The following PRKDC variants were observed in gnomAD, a reference collection of about 807,000 sequenced individuals.
The protein encoded by PRKDC is protein kinase, DNA-activated, catalytic subunit.
PRKDC carries 82 observed loss-of-function variants against 486.9 expected under a neutral mutation model. The ratio of observed to expected loss-of-function variants is 0.17; its 90% confidence interval spans 0.14 to 0.20. The LOEUF (loss-of-function observed/expected upper bound fraction) is 0.20. Ranked by LOEUF, PRKDC falls within the 10% of genes least tolerant of loss-of-function variation. The pLI, the probability that PRKDC is intolerant of heterozygous loss-of-function variation, is 1.00. For missense variants in PRKDC, 4,504 were observed against 5,038.2 expected, an observed-to-expected ratio of 0.89 and a Z score of 3.21; for synonymous variants, 1,895 against 1,837.0, an observed-to-expected ratio of 1.03 and a Z score of -0.81.
At chr8:47,823,661 T>C (rs903853765) in intron 64 of PRKDC, among the ~76,000 whole-genome samples, 197 bp downstream of exon 64, 6 of 152,010 alleles carry the variant, frequency 3.9e-5, no homozygotes, top group Non-Finnish European at 7.4e-5. Flanking sequence ...AGAAATAATA[T>C]ACAGTTTCAT....
rs1393248610 is a variant in PRKDC at position 47,800,978 on chromosome 8, T to C, written c.9931A>G (p.Asn3311Asp). The C allele has an allele frequency of 6.2e-7, 1 of 1,613,610 alleles. No homozygotes were observed. Among genetic ancestry groups the C allele is most frequent in the Non-Finnish European group, 8.5e-7 (1 of 1,179,782 alleles). Residue 3311 changes from asparagine (N) to aspartate (D), a missense_variant, in exon 71 of 86, where the codon AAC becomes GAC. Transcript: ENST00000314191. ...LKTVSLLDENNVSSYLSKNIL... is the reference protein window; with the variant it reads ...LKTVSLLDENDVSSYLSKNIL... ...TTTTTGCTTAAGTAGCTTGACACGT[T>C]GTTCTCATCTGTTGGATTAAAAAAA...
chr8:47,955,049 G>A (rs2090679340), intron 4 of PRKDC, among the ~76,000 whole-genome samples: 1 of 152,128 alleles, frequency 6.6e-6, no homozygotes, highest in Non-Finnish European at 1.5e-5. Flanking sequence ...AGCTACTCAG[G>A]AGGCTGAGGC....
rs1307943521 is a variant in PRKDC, at chr8:47,935,543, A to C, written c.1447+189T>G. On this transcript the variant is annotated intron_variant, in intron 13 of 85. Transcript: ENST00000314191. ...AACTATTAAAATTAATAGTTCTATTAATAGAACTATTAAAATTCAGAGGTA... is the reference window on the plus strand; with the variant it reads ...AACTATTAAAATTAATAGTTCTATTCATAGAACTATTAAAATTCAGAGGTA... 2.0e-5 allele frequency among the ~76,000 whole-genome samples: 3 copies of C among 152,092 alleles called. No homozygotes were observed. In the East Asian group the frequency reaches 5.8e-4, roughly 29 times the overall value.
chr8:47,860,317 A>G (rs8178137), intron 45 of PRKDC, among the ~76,000 whole-genome samples: 1,748 of 152,330 alleles, frequency 0.011, 22 homozygotes, highest in African/African-American at 0.031. Context: ...GAGGTATGCT[A>G]ATACCTGGGG....
intron 11 of PRKDC, 101 bp from the exon 12 acceptor site, chr8:47,936,618 C>A: frequency 1.5e-6 from 2 of 1,365,382 alleles, no homozygotes; most frequent in South Asian, 1.4e-5. Flanking sequence ...ACAAGTTTAA[C>A]AAGGCTTCTT....
chr8:47,787,902 A>G (rs1351896574), intron 76 of PRKDC, among the ~76,000 whole-genome samples: 1 of 152,206 alleles, frequency 6.6e-6, no homozygotes, highest in Non-Finnish European at 1.5e-5. Flanking sequence ...GAATATATGT[A>G]AAACTACTGC....
rs761207059 is a variant in PRKDC at position 47,807,302 on chromosome 8, C to T, written c.9582G>A (p.Glu3194=). 4 of 1,571,540 alleles carry T rather than the reference C, an allele frequency of 2.5e-6. No homozygotes were observed. The East Asian group carries it at 9.2e-5, about 36-fold the overall frequency. ...CTTCTGGAAGAGGGGTAAGCTTCTC[C>T]TCTATTTTGCTGAGAAAGAAACATC... ...TNRCFFLSKI[E]EKLTPLPEDN... is the part of the protein sequence containing the mutation. The change falls in exon 69 of 86, where the codon GAG becomes GAA. Residue 3194 remains glutamate, a synonymous_variant. Transcript: ENST00000314191.
chr8:47,934,137 AG>A, intron 14 of PRKDC, 47 bp from the exon 15 acceptor site: 1 of 1,555,242 alleles, frequency 6.4e-7, no homozygotes, highest in South Asian at 1.2e-5. Flanking sequence ...GATTCTCAGA[AG>A]CAGCACTGCT....
chr8:47,944,703 T>C (rs1415127118), intron 7 of PRKDC, among the ~76,000 whole-genome samples: 6 of 152,328 alleles, frequency 3.9e-5, no homozygotes, highest in Middle Eastern at 3.4e-3. Flanking sequence ...ATTGTAGCTA[T>C]AGAGTCATGC....
At chr8:47,879,094 T>C (rs1323259199) in intron 39 of PRKDC, among the ~76,000 whole-genome samples, 1 of 152,266 alleles carries the variant, frequency 6.6e-6, no homozygotes, top group African/African-American at 2.4e-5. Context: ...TCTTAGCTTC[T>C]TTTGGTATTA....
chr8:47,840,445 A>T (rs2088113812), intron 54 of PRKDC, among the ~76,000 whole-genome samples: 1 of 152,234 alleles, frequency 6.6e-6, no homozygotes, highest in African/African-American at 2.4e-5. Flanking sequence ...ATGGAAGTAA[A>T]GTCTAGTTTG....
At chr8:47,874,018 G>A (rs1009783493) in intron 40 of PRKDC, among the ~76,000 whole-genome samples, 2 of 137,818 alleles carry the variant, frequency 1.5e-5, no homozygotes, top group Non-Finnish European at 3.0e-5. Context: ...ACGGAGTCTC[G>A]CTCAGTCACC....
intron 54 of PRKDC, 148 bp downstream of exon 54, chr8:47,849,006 T>A: frequency 1.9e-6 from 2 of 1,052,626 alleles, no homozygotes; most frequent in Non-Finnish European, 2.7e-6. Flanking sequence ...CCTATTCTTA[T>A]GGTGCCTTCA....
chr8:47,809,137 G>C (rs1173111100), intron 68 of PRKDC, among the ~76,000 whole-genome samples: 1 of 148,586 alleles, frequency 6.7e-6, no homozygotes, highest in African/African-American at 2.5e-5. Flanking sequence ...GGGTATGGGA[G>C]GGAGGGGGAG....
chr8:47,851,037 T>G (rs2088391574), intron 52 of PRKDC, among the ~76,000 whole-genome samples: 1 of 152,200 alleles, frequency 6.6e-6, no homozygotes. Flanking sequence ...CTTGAACTCC[T>G]GACCTCAAGT....
intron 10 of PRKDC, 57 bp from the exon 11 acceptor site, chr8:47,939,754 C>A: frequency 7.3e-7 from 1 of 1,376,694 alleles, no homozygotes. Context: ...GGAATCTATA[C>A]AAACATGGAA....
At chr8:47,796,626 G>T (rs1488816559) in intron 73 of PRKDC, among the ~76,000 whole-genome samples, 1 of 151,518 alleles carries the variant, frequency 6.6e-6, no homozygotes, top group South Asian at 2.1e-4. Flanking sequence ...TTGAGACAGA[G>T]TCTTGCTCTG....
rs1293477657 is a variant in PRKDC, at chr8:47,806,624, AT to A, written c.9747+512del. ...TATACATTTAAATAGATTACATGCA[AT>A]TTTTAAGCAATGTATACTTAATATC... On this transcript the variant is annotated intron_variant, in intron 69 of 85. Transcript: ENST00000314191. 2.0e-5 allele frequency among the ~76,000 whole-genome samples: 3 copies of A among 152,342 alleles called. No individual in the cohort carries two copies. In the East Asian group the frequency reaches 5.8e-4, roughly 29 times the overall value.
At chr8:47,834,460 C>G in intron 58 of PRKDC, 64 bp from the exon 59 acceptor site, 1 of 1,534,786 alleles carries the variant, frequency 6.5e-7, no homozygotes, top group Non-Finnish European at 8.9e-7. Flanking sequence ...CGGGGCAGGA[C>G]CACCTGCCAG....
Sources: gnomAD v4.1 joint callset for allele counts (sites outside exome capture counted in the v4.1 genomes callset) on GRCh38, gnomAD v4.1.1 for gene constraint, MANE v1.5 for transcripts, NCBI Gene and HGNC (gene_info 2026-07-23, HGNC 2026-07-21) for gene names.